The following GABRB2 variants were observed in gnomAD, a reference collection of about 807,000 sequenced individuals.
The protein encoded by GABRB2 is gamma-aminobutyric acid type A receptor subunit beta2, also known as gamma-aminobutyric acid receptor subunit beta-2.
In GABRB2, 16 loss-of-function variants were observed where a neutral mutation model predicts 54.7. The observed-to-expected ratio is 0.29, with a 90% CI of 0.20 to 0.44. The LOEUF (loss-of-function observed/expected upper bound fraction) is 0.44, where lower values mean the gene tolerates loss of function less well. GABRB2 is among the 20% of genes least tolerant of loss of function. The pLI, the probability that GABRB2 is intolerant of heterozygous loss-of-function variation, is 1.00. For missense variants in GABRB2, 355 were observed against 644.0 expected (o/e 0.55, Z 4.86); for synonymous variants, 244 against 233.8 (o/e 1.04, Z -0.40).
intron 4 of GABRB2, among the ~76,000 whole-genome samples, chr5:161,448,622 T>C (rs1303653846): frequency 6.6e-6 from 1 of 152,176 alleles, no homozygotes; most frequent in African/African-American, 2.4e-5. Context: ...CAGTTTTCCC[T>C]AATCTGGAGT....
At chr5:161,295,996 G>T (rs1314795185) in intron 9 of GABRB2, among the ~76,000 whole-genome samples, 3 of 152,212 alleles carry the variant, frequency 2.0e-5, no homozygotes, top group Non-Finnish European at 4.4e-5. Flanking sequence ...ACATTTAAAG[G>T]TTCCTGTTAA....
chr5:161,377,521 T>A (rs896299650), intron 5 of GABRB2, among the ~76,000 whole-genome samples: 2 of 152,072 alleles, frequency 1.3e-5, no homozygotes. Flanking sequence ...CTGAAAAGAT[T>A]TTTTCTCTAT....
intron 3 of GABRB2, among the ~76,000 whole-genome samples, chr5:161,464,630 G>T (rs1330687014): frequency 2.6e-5 from 4 of 152,058 alleles, no homozygotes; most frequent in African/African-American, 9.7e-5. Flanking sequence ...ATTGCCAGAA[G>T]TGGAAGCCAT....
intron 3 of GABRB2, among the ~76,000 whole-genome samples, chr5:161,533,915 G>C (rs931846504): frequency 6.6e-6 from 1 of 152,036 alleles, no homozygotes; most frequent in Non-Finnish European, 1.5e-5. Flanking sequence ...TAAGAAAATA[G>C]ACTAAAACTG....
At chr5:161,485,194 A>G (rs1758882191) in intron 3 of GABRB2, among the ~76,000 whole-genome samples, 1 of 151,898 alleles carries the variant, frequency 6.6e-6, no homozygotes, top group Non-Finnish European at 1.5e-5. Context: ...CCTGCATCCT[A>G]ATCTGGGTTA....
Position 161,380,812 on chromosome 5 carries a change from T to C in GABRB2, c.541+30163A>G, listed in dbSNP as rs140981975. Among the ~76,000 whole-genome samples, 241 of 151,994 alleles carry C rather than the reference T, an allele frequency of 1.6e-3. 1 individual carries two copies. The highest frequency in any genetic ancestry group is 3.7e-3 in the Admixed American group (56 of 15,246). On this transcript the variant is annotated intron_variant, in intron 5 of 9. Transcript: ENST00000393959. ...TAGTGAGGTGGAAATAAAATGGTTG[T>C]GTATTGGTACACCACAATCTTGAGG... is the stretch of plus-strand genomic sequence containing the variant.
chr5:161,410,948 T>A, intron 5 of GABRB2, 27 bp downstream of exon 5: 1 of 1,565,840 alleles, frequency 6.4e-7, no homozygotes, highest in African/African-American at 1.4e-5. Flanking sequence ...CAGAGTCCAG[T>A]CTAGCTGGAT....
At chr5:161,440,492 G>A (rs2113207134) in intron 4 of GABRB2, among the ~76,000 whole-genome samples, 1 of 152,082 alleles carries the variant, frequency 6.6e-6, no homozygotes, top group South Asian at 2.1e-4. Context: ...AGGAGACAAA[G>A]GTTATTATAT....
intron 3 of GABRB2, among the ~76,000 whole-genome samples, chr5:161,480,844 A>C (rs1035566710): frequency 2.6e-5 from 4 of 151,982 alleles, no homozygotes; most frequent in African/African-American, 9.7e-5. Flanking sequence ...AAATGCATAA[A>C]AGTTTAATTT....
intron 3 of GABRB2, among the ~76,000 whole-genome samples, chr5:161,527,203 T>C (rs1760310165): frequency 6.6e-6 from 1 of 151,412 alleles, no homozygotes; most frequent in Non-Finnish European, 1.5e-5. Flanking sequence ...AAGAAGGATT[T>C]CCTATGTGGT....
intron 4 of GABRB2, among the ~76,000 whole-genome samples, chr5:161,416,950 G>T: frequency 6.6e-6 from 1 of 151,728 alleles, no homozygotes; most frequent in Non-Finnish European, 1.5e-5. Context: ...AAACTACAAA[G>T]CAAACTAATA....
intron 3 of GABRB2, among the ~76,000 whole-genome samples, chr5:161,507,366 ATATAACATGGT>A (rs1759636295): frequency 1.3e-5 from 2 of 152,252 alleles, no homozygotes; most frequent in South Asian, 4.1e-4. Context: ...ATCTTGATAA[ATATAACATGGT>A]TATATAAGAT....
intron 4 of GABRB2, among the ~76,000 whole-genome samples, chr5:161,415,895 G>C (rs1756650332): frequency 1.3e-5 from 2 of 151,672 alleles, no homozygotes; most frequent in African/African-American, 2.4e-5. Context: ...TTACAGGCGT[G>C]ATCCACCGCA....
intron 3 of GABRB2, among the ~76,000 whole-genome samples, chr5:161,462,452 T>C (rs190069774): frequency 7.2e-5 from 11 of 152,312 alleles, no homozygotes; most frequent in Admixed American, 5.2e-4. Context: ...AGAACGCATT[T>C]AGTGATTTCC....
chr5:161,372,752 A>G (rs1435446668), intron 5 of GABRB2, among the ~76,000 whole-genome samples: 4 of 152,188 alleles, frequency 2.6e-5, no homozygotes, highest in Admixed American at 2.6e-4. Context: ...CATCAATTCC[A>G]GCTGGGTATT....
rs946947330 is a variant in GABRB2, at chr5:161,296,105, T to C, written c.1192-1677A>G. On this transcript the variant is annotated intron_variant, in intron 9 of 9. Coordinates refer to ENST00000393959, the MANE Select transcript of GABRB2 (RefSeq NM_001371727.1). ...GTTATAGGTGAAGGCCTTCACCAAATTTCTCAAAGCCACATAGTTACTAAA... is the reference window on the plus strand; with the variant it reads ...GTTATAGGTGAAGGCCTTCACCAAACTTCTCAAAGCCACATAGTTACTAAA... 4.6e-5 allele frequency among the ~76,000 whole-genome samples: 7 copies of C among 152,180 alleles called. No individual in the cohort carries two copies. In the South Asian group the frequency reaches 1.2e-3, roughly 27 times the overall value.
chr5:161,318,010 T>C lies in GABRB2; in HGVS notation c.1191+8358A>G, dbSNP rs533433389. On this transcript the variant is annotated intron_variant, in intron 9 of 9. Coordinates refer to ENST00000393959, the MANE Select transcript of GABRB2 (RefSeq NM_001371727.1). ...TCTTATAGATGCATAAATCGTTATA[T>C]ATATGAAAAACTTGCAAAGTACTGC... Among the ~76,000 whole-genome samples, 15 of 152,144 alleles carry C rather than the reference T, an allele frequency of 9.9e-5. 1 individual carries two copies. Among genetic ancestry groups the C allele is most frequent in the Non-Finnish European group, 1.9e-4 (13 of 67,922 alleles).
chr5:161,392,681 A>G (rs2113043461), intron 5 of GABRB2, among the ~76,000 whole-genome samples: 1 of 152,312 alleles, frequency 6.6e-6, no homozygotes, highest in South Asian at 2.1e-4. Context: ...ACTTCATATA[A>G]GCAATTCAAA....
At chr5:161,418,904 A>G (rs1261353621) in intron 4 of GABRB2, among the ~76,000 whole-genome samples, 1 of 152,102 alleles carries the variant, frequency 6.6e-6, no homozygotes, top group Non-Finnish European at 1.5e-5. Context: ...AGGAGGGCAG[A>G]TTGCTTGAGC....
Sources: allele counts gnomAD v4.1 joint callset (sites outside exome capture counted in the v4.1 genomes callset), GRCh38; gene constraint gnomAD v4.1.1; transcripts MANE v1.5; gene names NCBI Gene and HGNC (gene_info 2026-07-23, HGNC 2026-07-21).